Variants in LMF1 observed in about 807,000 individuals in gnomAD.
The protein encoded by LMF1 is lipase maturation factor 1.
Under a neutral mutation model 60.6 loss-of-function variants are expected in LMF1, and 68 were observed. The observed-to-expected ratio is 1.12, with a 90% CI of 0.92 to 1.37. The LOEUF (loss-of-function observed/expected upper bound fraction) is 1.37, where lower values mean the gene tolerates loss of function less well. Among genes scored for constraint, LMF1 ranks in the 40% most tolerant of loss-of-function variants. The pLI, the probability that LMF1 is intolerant of heterozygous loss-of-function variation, is 0.00. For missense variants in LMF1, 948 were observed against 767.2 expected (o/e 1.24, Z -2.78); for synonymous variants, 418 against 324.7 (o/e 1.29, Z -3.09).
chr16:975,389 G>A (rs2073115803), upstream of LMF1, among the ~76,000 whole-genome samples: 1 of 152,140 alleles, frequency 6.6e-6, no homozygotes, highest in South Asian at 2.1e-4. Context: ...CTGGCCCAGA[G>A]GTCACAAACC....
At chr16:884,862 A>G (rs28621052) in intron 5 of LMF1, 30 of 76,656 alleles carry the variant, frequency 3.9e-4, no homozygotes, top group East Asian at 5.6e-4. Flanking sequence ...AAATGGTGAT[A>G]TTAGGTAGAG....
At chr16:871,606 T>TTAGTGA (rs2069796087) in intron 6 of LMF1, 2 of 477,800 alleles carry the variant, frequency 4.2e-6, no homozygotes, top group Non-Finnish European at 7.5e-6. Flanking sequence ...GTCCCTTGCT[T>TTAGTGA]TAGTGATCCG....
intron 5 of LMF1, among the ~76,000 whole-genome samples, chr16:881,200 G>A (rs1464470167): frequency 1.3e-5 from 2 of 152,128 alleles, no homozygotes; most frequent in Admixed American, 6.5e-5. Context: ...GTGCACACCC[G>A]AGGGGGTGAC....
At chr16:952,879 A>G (rs71380220) in intron 2 of LMF1, among the ~76,000 whole-genome samples, 4,119 of 39,826 alleles carry the variant, frequency 0.1, 259 homozygotes, top group African/African-American at 0.18. Context: ...CCTCCTACAC[A>G]TCCACACAGA....
At position 854,265 on chromosome 16, in the gene LMF1, G is replaced by T. The variant is rs1393581194; in HGVS notation, c.*267C>A. ...ACAGCCCCAGGCTGGGCCTCTGGGA[G>T]GAGGGTGGGATGGATGGGAGATCAG... On this transcript the variant is annotated 3_prime_UTR_variant, in exon 11 of 11. Coordinates refer to ENST00000262301, the MANE Select transcript of LMF1 (RefSeq NM_022773.4). The T allele has an allele frequency of 1.5e-6, 1 of 659,088 alleles. No individual in the cohort carries two copies. Among genetic ancestry groups the T allele is most frequent in the African/African-American group, 1.8e-5 (1 of 56,428 alleles). 40.8% of individuals were successfully genotyped at this position (659,088 alleles called of 1,614,324 possible).
Position 878,735 on chromosome 16 carries a change from A to G in LMF1, c.897+835T>C, listed in dbSNP as rs1416694379. On this transcript the variant is annotated intron_variant, in intron 6 of 10. Coordinates refer to ENST00000262301, the MANE Select transcript of LMF1 (RefSeq NM_022773.4). The surrounding 1 kb of genome is among the most constrained non-coding windows in gnomAD (Gnocchi z 5.2). ...GTGCTCTGGCAGGGGTGGGCAGGGC[A>G]GGGGAAGGGCGGGGGCAGGGGCGGG... Among the ~76,000 whole-genome samples the G allele has an allele frequency of 1.9e-3, 44 of 23,064 alleles. No homozygotes were observed. In the East Asian group the frequency reaches 0.038, roughly 20 times the overall value. 15.1% of individuals were successfully genotyped at this position (23,064 alleles called of 152,430 possible).
intron 1 of LMF1, among the ~76,000 whole-genome samples, chr16:957,449 C>T (rs2072730911): frequency 6.6e-6 from 1 of 152,150 alleles, no homozygotes; most frequent in Non-Finnish European, 1.5e-5. Context: ...GAAACAAGAT[C>T]TAACTATATG....
upstream of LMF1, chr16:971,058 TG>T: frequency 1.5e-6 from 2 of 1,322,092 alleles, no homozygotes; most frequent in Non-Finnish European, 2.0e-6. Context: ...CGCCTCTCCC[TG>T]GCCGGCCCTG....
intron 3 of LMF1, among the ~76,000 whole-genome samples, chr16:913,883 C>G (rs1014557183): frequency 1.3e-5 from 2 of 152,248 alleles, no homozygotes; most frequent in African/African-American, 4.8e-5. Flanking sequence ...AGGGCCAGAC[C>G]TGCAGGCCCC....
chr16:909,453 G>A (rs568519160), intron 4 of LMF1, among the ~76,000 whole-genome samples: 8 of 152,082 alleles, frequency 5.3e-5, no homozygotes, highest in South Asian at 2.1e-4. Flanking sequence ...CACGCTATGC[G>A]CTACAGCGAG....
chr16:931,545 A>G (rs962544814), intron 3 of LMF1: 3 of 1,060,046 alleles, frequency 2.8e-6, no homozygotes, highest in African/African-American at 3.3e-5. Context: ...GAACGAGGCC[A>G]CAGGAAAGGA....
chr16:955,838 C>G (rs1009677367), intron 1 of LMF1, among the ~76,000 whole-genome samples: 4 of 152,266 alleles, frequency 2.6e-5, no homozygotes, highest in Non-Finnish European at 5.9e-5. Flanking sequence ...TCAACGGCAT[C>G]ACTCCCAGCA....
chr16:979,764 C>T, intron 1 of LMF1: 1 of 454,112 alleles, frequency 2.2e-6, no homozygotes, highest in South Asian at 1.6e-5. Flanking sequence ...GATGTCTGCT[C>T]TCCCAGGGGC....
rs1274458080 is a variant in LMF1 at position 870,764 on chromosome 16, A to G, written c.1197T>C (p.Ser399=). 2 of 1,612,854 alleles carry G rather than the reference A, an allele frequency of 1.2e-6. No individual in the cohort carries two copies. The highest frequency in any genetic ancestry group is 1.7e-5 in the Admixed American group (1 of 59,996). ...CCCCGTAAGTGTTGACGATGTGAAG[A>G]GAGTTGAAGTGGGTGTTCATGACCT... The part of the protein sequence containing the change: ...SRQVMNTHFN[S]LHIVNTYGAF... Residue 399 remains serine, a synonymous_variant, in exon 8 of 11, where the codon TCT becomes TCC. Coordinates refer to ENST00000262301, the MANE Select transcript of LMF1 (RefSeq NM_022773.4).
chr16:889,988 G>A (rs868569640), intron 5 of LMF1, among the ~76,000 whole-genome samples: 54 of 152,214 alleles, frequency 3.5e-4, no homozygotes, highest in African/African-American at 1.0e-3. Flanking sequence ...TCCCTCTCCC[G>A]GGGTCCCCAT....
At chr16:941,071 C>A (rs1336816115) in intron 2 of LMF1, among the ~76,000 whole-genome samples, 1 of 152,140 alleles carries the variant, frequency 6.6e-6, no homozygotes, top group Non-Finnish European at 1.5e-5. Context: ...GTGTCCTGAA[C>A]TTTACTTTGT....
intron 2 of LMF1, among the ~76,000 whole-genome samples, chr16:939,692 G>A (rs111801210): frequency 2.0e-4 from 30 of 152,358 alleles, no homozygotes; most frequent in African/African-American, 6.0e-4. Context: ...AGACAACGTC[G>A]GCGAGATGGG....
chr16:893,661 CAG>C (rs1164192573), intron 4 of LMF1, among the ~76,000 whole-genome samples: 14 of 152,194 alleles, frequency 9.2e-5, no homozygotes, highest in African/African-American at 2.6e-4. Flanking sequence ...GGGACTTGGG[CAG>C]AGAGGCTGCG....
At chr16:911,493 C>A (rs1479624925) in intron 3 of LMF1, among the ~76,000 whole-genome samples, 1 of 150,286 alleles carries the variant, frequency 6.7e-6, no homozygotes, top group Non-Finnish European at 1.5e-5. Context: ...TCTTCCCAGC[C>A]CAGAAACAGC....
Sources: gnomAD v4.1 joint callset for allele counts (sites outside exome capture counted in the v4.1 genomes callset) on GRCh38, gnomAD v4.1.1 for gene constraint, Gnocchi (gnomAD v3.1) non-coding constraint, MANE v1.5 for transcripts, NCBI Gene and HGNC (gene_info 2026-07-23, HGNC 2026-07-21) for gene names.